Variants in HEATR4 observed in about 807,000 individuals in gnomAD.
The protein encoded by HEATR4 is HEAT repeat containing 4, also known as HEAT repeat-containing protein 4.
Under a neutral mutation model 108.8 loss-of-function variants are expected in HEATR4, and 95 were observed. That is an observed-to-expected ratio of 0.87 (90% confidence interval 0.74 to 1.04). The LOEUF is 1.04. Ranked by LOEUF, HEATR4 falls within the 50% of genes least tolerant of loss-of-function variation. HEATR4 has a pLI of 0.00. For synonymous variants in HEATR4, 443 were observed against 459.4 expected, an observed-to-expected ratio of 0.96 and a Z score of 0.46; for missense variants, 1,152 against 1,253.8, an observed-to-expected ratio of 0.92 and a Z score of 1.23.
At chr14:73,569,559 C>G in the HEATR4 span, 1 of 1,601,914 alleles carries the variant, frequency 6.2e-7, no homozygotes, top group Non-Finnish European at 8.5e-7. Flanking sequence ...GAAGGGCGCG[C>G]TTTTCCAGGC....
Position 73,492,153 on chromosome 14 carries a change from A to G in HEATR4, c.2844+913T>C. On this transcript the variant is annotated intron_variant, in intron 17 of 17. Transcript: ENST00000553558. The surrounding 1 kb of genome is among the most constrained non-coding windows in gnomAD (Gnocchi z 4.9). ...CTGACATCCAGCCCCAACTTCAGTC[A>G]GGACGACCTCGGTGAGCCGGTGCTG... 2 of 1,613,988 alleles carry G rather than the reference A, an allele frequency of 1.2e-6. No individual in the cohort carries two copies. Among genetic ancestry groups the G allele is most frequent in the Non-Finnish European group, 1.7e-6 (2 of 1,179,892 alleles).
At position 73,537,112 on chromosome 14, in the gene HEATR4, T is replaced by G. The variant is rs1888887020; in HGVS notation, c.-151-6868A>C. On this transcript the variant is annotated intron_variant, in intron 1 of 17. Transcript: ENST00000553558. The stretch of plus-strand genomic sequence containing the variant: ...CATTCTCCTGCCTCAGCCTCCCGAG[T>G]AGCCGGGACGAACCAGTCCTGGCCC... 8.1e-6 allele frequency: 2 copies of G among 246,526 alleles called. 1 individual carries two copies. The highest frequency in any genetic ancestry group is 1.2e-4 in the South Asian group (2 of 16,056). 15.3% of individuals were successfully genotyped at this position (246,526 alleles called of 1,614,324 possible).
Position 73,522,322 on chromosome 14 carries a change from C to A in HEATR4, c.831G>T (p.Leu277=), listed in dbSNP as rs546458027. Residue 277 remains leucine (L), a synonymous_variant, in exon 3 of 18, where the codon CTG becomes CTT. Transcript: ENST00000553558. ...CTGGCTTCTTCTTTTCCTGTGGGGG[C>A]AGGATGACACTTTGATCCTCAAACT... The part of the protein sequence containing the change: ...TAEFEDQSVI[L]PPQEKKKPEL... 7 of 1,614,072 alleles carry A rather than the reference C, an allele frequency of 4.3e-6. No individual in the cohort carries two copies. The highest frequency in any genetic ancestry group is 5.9e-6 in the Non-Finnish European group (7 of 1,180,044).
the HEATR4 span, among the ~76,000 whole-genome samples, chr14:73,587,665 G>C: frequency 6.6e-6 from 1 of 151,982 alleles, no homozygotes; most frequent in Non-Finnish European, 1.5e-5. Flanking sequence ...CCATCCACTT[G>C]TTTTTGCTTT....
the HEATR4 span, among the ~76,000 whole-genome samples, chr14:73,564,723 TTTTTG>T: frequency 7.4e-5 from 5 of 67,500 alleles, no homozygotes; most frequent in East Asian, 2.3e-3. Flanking sequence ...TCTTTTCTGT[TTTTTG>T]TTTTTTTTTT....
chr14:73,519,865 A>C (rs1176612811), intron 4 of HEATR4: 1 of 152,130 alleles, frequency 6.6e-6, no homozygotes, highest in African/African-American at 2.4e-5. Flanking sequence ...GAAATACAAA[A>C]ATTAGCTGGG....
chr14:73,628,479 T>C, the HEATR4 span, among the ~76,000 whole-genome samples: 1 of 151,790 alleles, frequency 6.6e-6, no homozygotes, highest in Non-Finnish European at 1.5e-5. Flanking sequence ...AGCCTCTGGG[T>C]GTGGTGGCTC....
the HEATR4 span, among the ~76,000 whole-genome samples, chr14:73,621,007 CA>C: frequency 2.0e-5 from 3 of 151,632 alleles, no homozygotes; most frequent in Admixed American, 2.0e-4. Context: ...AGTTTGAGAC[CA>C]GCCTGGCCAA....
chr14:73,596,696 T>A, the HEATR4 span, among the ~76,000 whole-genome samples: 1 of 151,924 alleles, frequency 6.6e-6, no homozygotes, highest in African/African-American at 2.4e-5. Context: ...CCTCCTGGGT[T>A]CAAGCGATTC....
the HEATR4 span, among the ~76,000 whole-genome samples, chr14:73,573,925 C>T: frequency 6.6e-6 from 1 of 152,052 alleles, no homozygotes; most frequent in Non-Finnish European, 1.5e-5. Context: ...CGGGGTTTCA[C>T]AATATTGGTC....
the HEATR4 span, among the ~76,000 whole-genome samples, chr14:73,600,137 A>C: frequency 6.6e-6 from 1 of 152,100 alleles, no homozygotes; most frequent in Non-Finnish European, 1.5e-5. Context: ...ACTCCTATAG[A>C]CAGTCCTGTT....
At chr14:73,479,419 T>TTTC (rs71112759) in intron 17 of HEATR4, among the ~76,000 whole-genome samples, 18,408 of 102,268 alleles carry the variant, frequency 0.18, 1,481 homozygotes, top group South Asian at 0.25. Flanking sequence ...CGGCGTTTTT[T>TTTC]TTTCTTTCTT....
rs1358264363 is a variant in HEATR4, at chr14:73,512,031, C to G, written c.1533G>C (p.Arg511=). The change falls in exon 7 of 18, where the codon CGG becomes CGC. Residue 511 remains arginine (R), a synonymous_variant. Transcript: ENST00000553558. ...TCATAALERP[R]IATSQRDSDK... ...CTGAGTCTCTCTGGCTGGTGGCAAT[C>G]CGGGGCCGTTCCAAAGCAGCTGTGG... is the stretch of plus-strand genomic sequence containing the variant. 3.1e-6 allele frequency: 5 copies of G among 1,613,944 alleles called. No individual in the cohort carries two copies. In the South Asian group the frequency reaches 4.4e-5, roughly 14 times the overall value.
At position 73,492,999 on chromosome 14, in the gene HEATR4, CTTTT is replaced by C. The variant is rs11410201; in HGVS notation, c.2844+63_2844+66del. 5.1e-5 allele frequency: 75 copies of C among 1,459,800 alleles called. No individual in the cohort carries two copies. The highest frequency in any genetic ancestry group is 1.9e-4 in the Middle Eastern group (1 of 5,134). 90.4% of individuals were successfully genotyped at this position (1,459,800 alleles called of 1,614,324 possible). The stretch of plus-strand genomic sequence containing the variant: ...AGTGATTCTCCGCTGCCACTGCTAC[CTTTT>C]TTTTTTTTTTTTCCTTAAACTCACG... On this transcript the variant is annotated intron_variant, in intron 17 of 17. Coordinates refer to ENST00000553558, the MANE Select transcript of HEATR4 (RefSeq NM_001220484.1). This position sits in a 1 kb window ranked among gnomAD's most constrained non-coding sequence, Gnocchi z 4.9.
the HEATR4 span, among the ~76,000 whole-genome samples, chr14:73,614,255 A>C: frequency 6.6e-6 from 1 of 152,114 alleles, no homozygotes; most frequent in Non-Finnish European, 1.5e-5. Context: ...AGAATCCTTA[A>C]ACCGAATTCT....
At chr14:73,591,319 G>A in the HEATR4 span, among the ~76,000 whole-genome samples, 3 of 151,746 alleles carry the variant, frequency 2.0e-5, no homozygotes, top group African/African-American at 7.3e-5. Flanking sequence ...AGGCCAAGGC[G>A]GGAAGATCAC....
intron 2 of HEATR4, among the ~76,000 whole-genome samples, chr14:73,524,286 T>C (rs1595137289): frequency 1.4e-5 from 1 of 71,512 alleles, no homozygotes; most frequent in Non-Finnish European, 2.4e-5. Context: ...AGAGCAAAAC[T>C]CCGTCTCAAA....
intron 1 of HEATR4, among the ~76,000 whole-genome samples, chr14:73,557,691 GTTTA>G (rs1212529609): frequency 4.6e-5 from 3 of 65,604 alleles, no homozygotes; most frequent in Non-Finnish European, 9.9e-5. Context: ...ACAGTTTTTT[GTTTA>G]TTTATTTATG....
intron 6 of HEATR4, among the ~76,000 whole-genome samples, 170 bp downstream of exon 6, chr14:73,513,861 G>T (rs1311045142): frequency 6.6e-6 from 1 of 151,028 alleles, no homozygotes; most frequent in East Asian, 2.0e-4. Flanking sequence ...GTTAACTGAA[G>T]TTCATCTAAC....
Sources: allele counts gnomAD v4.1 joint callset (sites outside exome capture counted in the v4.1 genomes callset), GRCh38; gene constraint gnomAD v4.1.1; non-coding constraint Gnocchi (gnomAD v3.1); transcripts MANE v1.5; gene names NCBI Gene and HGNC (gene_info 2026-07-23, HGNC 2026-07-21).